Variants in BCKDHB observed in about 807,000 individuals in gnomAD.
BCKDHB encodes 2-oxoisovalerate dehydrogenase subunit beta, mitochondrial.
BCKDHB carries 41 observed loss-of-function variants against 48.5 expected under a neutral mutation model. The ratio of observed to expected loss-of-function variants is 0.85; its 90% CI spans 0.66 to 1.10. The LOEUF is 1.10. BCKDHB is among the 50% of genes least tolerant of loss of function. BCKDHB has a pLI of 0.00. For missense variants in BCKDHB, 496 were observed against 494.2 expected (o/e 1.00, Z -0.03); for synonymous variants, 201 against 174.8 (o/e 1.15, Z -1.18).
the BCKDHB span, among the ~76,000 whole-genome samples, chr6:80,435,865 C>G: frequency 6.6e-6 from 1 of 152,104 alleles, no homozygotes; most frequent in Admixed American, 6.5e-5. Context: ...AAACCCGTCT[C>G]TACTAAAAAT....
the BCKDHB span, among the ~76,000 whole-genome samples, chr6:80,389,237 C>A: frequency 7.3e-6 from 1 of 137,670 alleles, no homozygotes; most frequent in Non-Finnish European, 1.5e-5. Flanking sequence ...GGCCCACGAA[C>A]AAAATGCCCA....
At chr6:80,336,316 T>A (rs1316642837) in intron 9 of BCKDHB, among the ~76,000 whole-genome samples, 1 of 151,854 alleles carries the variant, frequency 6.6e-6, no homozygotes, top group Non-Finnish European at 1.5e-5. Context: ...ATTCTCCAAC[T>A]TTGTTTTAGG....
intron 1 of BCKDHB, chr6:80,127,321 C>T (rs984314845): frequency 2.6e-5 from 13 of 501,792 alleles, no homozygotes; most frequent in Non-Finnish European, 4.7e-5. Context: ...CTGTTTTATA[C>T]TTTTACAAAA....
At chr6:80,440,504 A>G in the BCKDHB span, among the ~76,000 whole-genome samples, 2 of 152,104 alleles carry the variant, frequency 1.3e-5, no homozygotes, top group Non-Finnish European at 2.9e-5. Context: ...TCATACCTCA[A>G]TCCTGTGCCG....
chr6:80,348,990 T>C (rs1770319089), downstream of BCKDHB, among the ~76,000 whole-genome samples: 1 of 151,930 alleles, frequency 6.6e-6, no homozygotes, highest in Non-Finnish European at 1.5e-5. Flanking sequence ...GAACTGAAAA[T>C]AGAAACAAGT....
chr6:80,411,643 T>C, the BCKDHB span, among the ~76,000 whole-genome samples: 4 of 152,222 alleles, frequency 2.6e-5, no homozygotes, highest in Admixed American at 6.5e-5. Context: ...CCTGGCCACC[T>C]TGTTTACCTA....
At chr6:80,366,934 TG>T in the BCKDHB span, among the ~76,000 whole-genome samples, 1 of 152,224 alleles carries the variant, frequency 6.6e-6, no homozygotes, top group East Asian at 1.9e-4. Context: ...CTATGCCAGC[TG>T]GGAAGGCAGC....
the BCKDHB span, among the ~76,000 whole-genome samples, chr6:80,422,147 C>T: frequency 0.036 from 5,550 of 152,216 alleles, 351 homozygotes; most frequent in African/African-American, 0.13. Context: ...ACCTGGTACC[C>T]TGCATCCCAG....
chr6:80,443,822 A>G, the BCKDHB span, among the ~76,000 whole-genome samples: 2 of 152,040 alleles, frequency 1.3e-5, no homozygotes, highest in Admixed American at 1.3e-4. Context: ...TGTCCATGTG[A>G]TAGTTAATGT....
rs1478243507 is a variant in BCKDHB at position 80,276,684 on chromosome 6, T to C, written c.1038+3463T>C. ...GGTTTGTTTCATTCCTGCTACTTTT[T>C]TTTTTATAAGCCTATTTATTTTACC... On this transcript the variant is annotated intron_variant, in intron 9 of 9. Transcript: ENST00000320393. 2.0e-5 allele frequency among the ~76,000 whole-genome samples: 3 copies of C among 151,884 alleles called. No individual in the cohort carries two copies. The East Asian group carries it at 5.8e-4, about 29-fold the overall frequency.
At chr6:80,455,465 C>T in the BCKDHB span, among the ~76,000 whole-genome samples, 1 of 151,554 alleles carries the variant, frequency 6.6e-6, no homozygotes, top group African/African-American at 2.4e-5. Context: ...CTTGGATTTT[C>T]CTGATAATAT....
intron 9 of BCKDHB, among the ~76,000 whole-genome samples, chr6:80,309,401 G>A (rs1312545790): frequency 1.3e-5 from 2 of 151,888 alleles, no homozygotes; most frequent in African/African-American, 4.8e-5. Flanking sequence ...TTTAATATTG[G>A]GAGCTATTCA....
rs398124583 is a variant in BCKDHB, at chr6:80,168,926, T to C, written c.529T>C (p.Cys177Arg). 2 of 1,614,068 alleles carry C rather than the reference T, an allele frequency of 1.2e-6. No homozygotes were observed. Among genetic ancestry groups the C allele is most frequent in the African/African-American group, 2.7e-5 (2 of 74,938 alleles). The change falls in exon 5 of 10, where the codon TGT becomes CGT. Residue 177 changes from cysteine (C) to arginine (R), a missense_variant. Physicochemically the swap from Cys to Arg is radical, Grantham distance 180. Coordinates refer to ENST00000320393, the MANE Select transcript of BCKDHB (RefSeq NM_183050.4). Reference sequence around the variant, plus strand: ...CTATCGCTCTGGGGATCTTTTTAACTGTGGAAGCCTCACTATCCGGTCCCC... The same window carrying C: ...CTATCGCTCTGGGGATCTTTTTAACCGTGGAAGCCTCACTATCCGGTCCCC... ...YRYRSGDLFN[C>R]GSLTIRSPWG...
At chr6:80,242,106 C>T (rs547134938) in intron 8 of BCKDHB, among the ~76,000 whole-genome samples, 2 of 152,038 alleles carry the variant, frequency 1.3e-5, no homozygotes, top group South Asian at 2.1e-4. Flanking sequence ...CTACTTTCTC[C>T]GTCTCACTTA....
At chr6:80,124,787 G>A (rs1379207335) in intron 1 of BCKDHB, among the ~76,000 whole-genome samples, 3 of 152,158 alleles carry the variant, frequency 2.0e-5, no homozygotes, top group Admixed American at 6.6e-5. Flanking sequence ...GGTTTCAACA[G>A]TGGGCTTAAA....
the BCKDHB span, among the ~76,000 whole-genome samples, chr6:80,427,108 C>T: frequency 6.6e-6 from 1 of 151,930 alleles, no homozygotes; most frequent in Non-Finnish European, 1.5e-5. Flanking sequence ...TTCCTGGTAA[C>T]ATTTTTCATT....
chr6:80,453,037 A>C, the BCKDHB span: 1 of 152,186 alleles, frequency 6.6e-6, no homozygotes, highest in African/African-American at 2.4e-5. Context: ...ATGCATATGA[A>C]TATATATCAG....
chr6:80,119,242 CGAAT>C (rs1289090163), intron 1 of BCKDHB, among the ~76,000 whole-genome samples: 1 of 151,976 alleles, frequency 6.6e-6, no homozygotes, highest in Non-Finnish European at 1.5e-5. Context: ...ATAAAATGAA[CGAAT>C]GAATGAATGA....
chr6:80,391,946 C>T, the BCKDHB span, among the ~76,000 whole-genome samples: 12 of 151,824 alleles, frequency 7.9e-5, no homozygotes, highest in African/African-American at 2.4e-4. Context: ...AAAGATTTAC[C>T]CCTCTTTATT....
Sources: gnomAD v4.1 joint callset for allele counts (sites outside exome capture counted in the v4.1 genomes callset) on GRCh38, gnomAD v4.1.1 for gene constraint, MANE v1.5 for transcripts, NCBI Gene and HGNC (gene_info 2026-07-23, HGNC 2026-07-21) for gene names.